Variants in SAMMSON observed in about 807,000 individuals in gnomAD.
SAMMSON encodes long intergenic non-protein coding RNA 1212.
chr3:70,348,320 C>T (rs893138287), intron 7 of SAMMSON, among the ~76,000 whole-genome samples: 1 of 152,190 alleles, frequency 6.6e-6, no homozygotes, highest in Non-Finnish European at 1.5e-5. Context: ...TTAGCCCATT[C>T]AGGCTGCTAT....
intron 9 of SAMMSON, among the ~76,000 whole-genome samples, chr3:70,379,538 C>T (rs1038109589): frequency 6.6e-6 from 1 of 152,138 alleles, no homozygotes; most frequent in Admixed American, 6.5e-5. Context: ...ACTTCTGGAG[C>T]TACATTTGCT....
intron 7 of SAMMSON, among the ~76,000 whole-genome samples, chr3:70,314,745 C>G (rs1448335196): frequency 1.3e-5 from 2 of 151,990 alleles, no homozygotes; most frequent in African/African-American, 4.8e-5. Context: ...TTTTAAAATT[C>G]CAAGATGGAT....
At chr3:70,072,763 C>A (rs1389364517) in intron 4 of SAMMSON, 2 of 151,142 alleles carry the variant, frequency 1.3e-5, no homozygotes. Flanking sequence ...AGGCCAAATA[C>A]GTGATACACA....
At chr3:70,313,225 G>A (rs1009825865) in intron 7 of SAMMSON, among the ~76,000 whole-genome samples, 1 of 152,132 alleles carries the variant, frequency 6.6e-6, no homozygotes, top group Non-Finnish European at 1.5e-5. Context: ...GCACTTTGAG[G>A]AGGCTGAGAC....
chr3:70,359,847 A>G (rs1364136386), intron 9 of SAMMSON, among the ~76,000 whole-genome samples: 1 of 152,126 alleles, frequency 6.6e-6, no homozygotes, highest in African/African-American at 2.4e-5. Flanking sequence ...CTAGGTTAGC[A>G]TATACTTTTC....
intron 9 of SAMMSON, among the ~76,000 whole-genome samples, chr3:70,366,935 A>C (rs1702925376): frequency 6.6e-6 from 1 of 151,490 alleles, no homozygotes; most frequent in Non-Finnish European, 1.5e-5. Context: ...AATGAGGTTG[A>C]GCATATTTTT....
At chr3:70,406,431 G>A (rs1410027167) in intron 2 of SAMMSON, among the ~76,000 whole-genome samples, 1 of 152,116 alleles carries the variant, frequency 6.6e-6, no homozygotes. Flanking sequence ...AAGGAGCCCA[G>A]ACATGGTAAT....
intron 9 of SAMMSON, among the ~76,000 whole-genome samples, chr3:70,374,961 T>G (rs939225971): frequency 5.4e-4 from 82 of 152,272 alleles, no homozygotes; most frequent in African/African-American, 1.9e-3. Flanking sequence ...GGTTGTTATT[T>G]TCTCCAATAT....
chr3:70,060,919 T>C (rs1024100471), intron 3 of SAMMSON, among the ~76,000 whole-genome samples: 1 of 151,982 alleles, frequency 6.6e-6, no homozygotes, highest in African/African-American at 2.4e-5. Flanking sequence ...TGTACTTAAG[T>C]AGTGGAGAAA....
At chr3:70,347,235 A>G (rs34640805) in intron 7 of SAMMSON, among the ~76,000 whole-genome samples, 255 of 152,382 alleles carry the variant, frequency 1.7e-3, no homozygotes, top group Admixed American at 4.2e-3. Context: ...GTGTGGAGCA[A>G]ATATCTTAGT....
rs117136186 is a variant in SAMMSON at position 70,230,753 on chromosome 3, C to T, written n.508-18354C>T. On this transcript the variant is annotated intron_variant and non_coding_transcript_variant, in intron 4 of 9. Coordinates refer to ENST00000642114, the Ensembl canonical transcript of SAMMSON. ...GAAGAATTCATCCCATGCCTTCACC[C>T]TCCTTGAGTTTTAAAGGCAATGCTT... Among the ~76,000 whole-genome samples, 31 of 152,304 alleles carry T rather than the reference C, an allele frequency of 2.0e-4. No individual in the cohort carries two copies. The East Asian group carries it at 2.9e-3, about 14-fold the overall frequency.
Position 70,277,954 on chromosome 3 carries a change from T to C in SAMMSON, n.675-13225T>C, listed in dbSNP as rs115839398. 4.0e-3 allele frequency among the ~76,000 whole-genome samples: 602 copies of C among 152,288 alleles called. 2 individuals carry two copies. The highest frequency in any genetic ancestry group is 0.014 in the African/African-American group (573 of 41,564). ...GCCCTCTCAATGTTTTAAATTTTTG[T>C]TGAGCTACAACTTACATAAAATAAA... On this transcript the variant is annotated intron_variant and non_coding_transcript_variant, in intron 6 of 9. Transcript: ENST00000642114.
chr3:70,371,560 T>C (rs185766013), intron 9 of SAMMSON, among the ~76,000 whole-genome samples: 5 of 152,228 alleles, frequency 3.3e-5, no homozygotes, highest in Admixed American at 3.3e-4. Flanking sequence ...GCCACTTCCT[T>C]GGTTAAATTT....
chr3:70,218,273 C>T (rs533786026), intron 4 of SAMMSON, among the ~76,000 whole-genome samples: 22 of 152,226 alleles, frequency 1.4e-4, no homozygotes, highest in South Asian at 6.2e-4. Flanking sequence ...TGTTTTATAA[C>T]GTATAGTACA....
intron 9 of SAMMSON, among the ~76,000 whole-genome samples, chr3:70,383,936 C>T (rs933398846): frequency 6.6e-6 from 1 of 151,978 alleles, no homozygotes; most frequent in Non-Finnish European, 1.5e-5. Flanking sequence ...TCAGCACTAC[C>T]TGTCAATTTT....
chr3:70,050,371 C>A (rs957360572), intron 3 of SAMMSON, among the ~76,000 whole-genome samples: 2 of 152,126 alleles, frequency 1.3e-5, no homozygotes, highest in African/African-American at 4.8e-5. Context: ...GGTTGGCCAG[C>A]CACTTCCAAT....
At chr3:70,017,351 T>A (rs904270107) in intron 3 of SAMMSON, among the ~76,000 whole-genome samples, 1 of 152,142 alleles carries the variant, frequency 6.6e-6, no homozygotes, top group Admixed American at 6.5e-5. Flanking sequence ...TTGAAGCAAT[T>A]GTGAATGGGA....
intron 2 of SAMMSON, among the ~76,000 whole-genome samples, chr3:70,400,467 C>A (rs1701131265): frequency 6.6e-6 from 1 of 152,208 alleles, no homozygotes; most frequent in Non-Finnish European, 1.5e-5. Flanking sequence ...TGCTCCCCTT[C>A]CACTTTCTGC....
At chr3:70,337,594 C>T (rs1048529489) in intron 7 of SAMMSON, among the ~76,000 whole-genome samples, 2 of 151,934 alleles carry the variant, frequency 1.3e-5, no homozygotes, top group African/African-American at 4.8e-5. Flanking sequence ...TTAGGGAGAT[C>T]TTGCATCACT....
Sources: gnomAD v4.1 joint callset for allele counts (sites outside exome capture counted in the v4.1 genomes callset) on GRCh38, gnomAD v4.1.1 for gene constraint, MANE v1.5 for transcripts, NCBI Gene and HGNC (gene_info 2026-07-23, HGNC 2026-07-21) for gene names.